ZNF700: variants seen among roughly 807,000 people sequenced by gnomAD.
ZNF700 encodes zinc finger protein 700.
Under a neutral mutation model 65.3 loss-of-function variants are expected in ZNF700, and 38 were observed. That is an observed-to-expected ratio of 0.58 (90% CI 0.45 to 0.76). The LOEUF (loss-of-function observed/expected upper bound fraction) is 0.76. ZNF700 is among the 30% of genes least tolerant of loss of function. ZNF700 has a pLI of 0.00. For synonymous variants in ZNF700, 285 were observed against 290.4 expected, an observed-to-expected ratio of 0.98 and a Z score of 0.19; for missense variants, 857 against 888.4, an observed-to-expected ratio of 0.96 and a Z score of 0.45.
chr19:11,939,049 C>A (rs1187807906), intron 1 of ZNF700, among the ~76,000 whole-genome samples: 2 of 152,160 alleles, frequency 1.3e-5, no homozygotes, highest in Admixed American at 1.3e-4. Flanking sequence ...TGTTCATGTC[C>A]TTTGCCCACT....
At position 11,949,824 on chromosome 19, in the gene ZNF700, CT is replaced by C. The variant is rs1448569629; in HGVS notation, c.1802del (p.Phe601SerfsTer220). The C allele has an allele frequency of 6.2e-7, 1 of 1,608,218 alleles. No individual in the cohort carries two copies. Among genetic ancestry groups the C allele is most frequent in the African/African-American group, 1.4e-5 (1 of 72,946 alleles). Reference sequence around the variant, plus strand: ...ATGAGTGTAAGCAATGTGGGAAAGCCTTCAGTTGTGCCTCAAACCTTCGAAA... The same window carrying C: ...ATGAGTGTAAGCAATGTGGGAAAGCCTCAGTTGTGCCTCAAACCTTCGAAA... ...PYECKQCGKA[F>X]SCASNLRKHG... On this transcript the variant is annotated frameshift_variant, in exon 4 of 4. Transcript: ENST00000254321. LOFTEE classifies it high-confidence loss of function.
chr19:11,928,283 C>T (rs1158420187), intron 1 of ZNF700, among the ~76,000 whole-genome samples: 1 of 152,188 alleles, frequency 6.6e-6, no homozygotes, highest in Non-Finnish European at 1.5e-5. Context: ...TCAGCCACTG[C>T]ACCTGGCTAA....
At chr19:11,933,505 T>G (rs1191632961) in intron 1 of ZNF700, among the ~76,000 whole-genome samples, 2 of 147,782 alleles carry the variant, frequency 1.4e-5, no homozygotes, top group East Asian at 3.9e-4. Flanking sequence ...TCCCCTGTGC[T>G]CTTCCTAATC....
chr19:11,932,669 GCC>G (rs1972731930), intron 1 of ZNF700, among the ~76,000 whole-genome samples: 1 of 105,426 alleles, frequency 9.5e-6, no homozygotes, highest in Non-Finnish European at 1.8e-5. Flanking sequence ...ACAGAGTCTT[GCC>G]CTGTCGCCCA....
intron 1 of ZNF700, among the ~76,000 whole-genome samples, chr19:11,938,675 G>A (rs891062422): frequency 3.3e-5 from 5 of 152,080 alleles, no homozygotes; most frequent in Admixed American, 2.0e-4. Flanking sequence ...GAATGGTGCC[G>A]CAATAAACAT....
At chr19:11,932,988 C>T (rs1972737878) in intron 1 of ZNF700, among the ~76,000 whole-genome samples, 1 of 148,592 alleles carries the variant, frequency 6.7e-6, no homozygotes, top group Non-Finnish European at 1.5e-5. Context: ...ATGAACCTTA[C>T]ATGGAATGAT....
At chr19:11,925,330 G>C in intron 1 of ZNF700, 57 bp downstream of exon 1, 1 of 1,600,012 alleles carries the variant, frequency 6.2e-7, no homozygotes. Flanking sequence ...GGAACAGGCG[G>C]GAACCGGCTG....
In ZNF700 at chr19:11,949,715, A is replaced by C; in HGVS notation, c.1691A>C (p.Tyr564Ser). Residue 564 changes from tyrosine to serine, a missense_variant, in exon 4 of 4, where the codon TAT becomes TCT. Physicochemically the swap from Tyr to Ser is moderately radical, Grantham distance 144. This residue lies in a region of ZNF700 where 251 missense variants were observed against 250.3 expected (regional missense o/e 1.00). Transcript: ENST00000254321. The part of the protein sequence containing the change: ...HERTHTGEKP[Y>S]ECKQCGKAFR... ...AGGACTCACACTGGAGAGAAACCCT[A>C]TGAGTGTAAGCAATGTGGGAAAGCC... 1 of 1,614,056 alleles carries C rather than the reference A, an allele frequency of 6.2e-7. No homozygotes were observed. Among genetic ancestry groups the C allele is most frequent in the Non-Finnish European group, 8.5e-7 (1 of 1,180,014 alleles).
chr19:11,943,106 C>CTATTAT (rs533841379), intron 1 of ZNF700, among the ~76,000 whole-genome samples: 2 of 152,188 alleles, frequency 1.3e-5, no homozygotes, highest in Non-Finnish European at 2.9e-5. Flanking sequence ...AAGCAGGTTT[C>CTATTAT]TATTATTATT....
chr19:11,927,025 C>G (rs554051965), intron 1 of ZNF700, among the ~76,000 whole-genome samples: 1 of 152,064 alleles, frequency 6.6e-6, no homozygotes, highest in Non-Finnish European at 1.5e-5. Context: ...GAATTCAAGA[C>G]GAGTCACAAA....
chr19:11,925,303 CG>C (rs1568288208), intron 1 of ZNF700, 30 bp downstream of exon 1: 1 of 1,608,286 alleles, frequency 6.2e-7, no homozygotes. Context: ...TGTCGTGAGA[CG>C]GGGGAGGGGC....
At chr19:11,926,078 T>C (rs1485949116) in intron 1 of ZNF700, among the ~76,000 whole-genome samples, 2 of 150,026 alleles carry the variant, frequency 1.3e-5, no homozygotes, top group Non-Finnish European at 2.9e-5. Flanking sequence ...TTGGAGGAGG[T>C]AGGAAGGAAG....
intron 1 of ZNF700, among the ~76,000 whole-genome samples, chr19:11,927,829 G>C (rs183567285): frequency 6.6e-6 from 1 of 152,264 alleles, no homozygotes; most frequent in East Asian, 1.9e-4. Flanking sequence ...TGTGATCATG[G>C]GTTGTGACTG....
intron 1 of ZNF700, among the ~76,000 whole-genome samples, chr19:11,935,681 C>T (rs1302923991): frequency 6.6e-6 from 1 of 152,074 alleles, no homozygotes; most frequent in Non-Finnish European, 1.5e-5. Flanking sequence ...AAAGTCATTT[C>T]CAAAACAGAC....
chr19:11,928,074 C>T (rs1972658939), intron 1 of ZNF700, among the ~76,000 whole-genome samples: 2 of 151,918 alleles, frequency 1.3e-5, no homozygotes, highest in African/African-American at 4.8e-5. Flanking sequence ...TGGCTTACTG[C>T]AGCCTTGACC....
chr19:11,933,651 C>T (rs1344030786), intron 1 of ZNF700, among the ~76,000 whole-genome samples: 1 of 147,824 alleles, frequency 6.8e-6, no homozygotes, highest in Non-Finnish European at 1.5e-5. Context: ...AGACTTGCTT[C>T]CTCGATGTAA....
rs755035788 is a variant in ZNF700, at chr19:11,948,565, A to G, written c.541A>G (p.Ile181Val). 5 of 1,607,588 alleles carry G rather than the reference A, an allele frequency of 3.1e-6. No homozygotes were observed. In the Admixed American group the frequency reaches 5.2e-5, roughly 17 times the overall value. ...GAAAGCCTTCAGGTATCGCCCATCCATTAGAACACAAGAAAGGGATCACAC... is the reference window on the plus strand; with the variant it reads ...GAAAGCCTTCAGGTATCGCCCATCCGTTAGAACACAAGAAAGGGATCACAC... ...NKKAFRYRPS[I>V]RTQERDHTGE... The change falls in exon 4 of 4, where the codon ATT (isoleucine) becomes GTT (valine). Residue 181 changes from isoleucine to valine, a missense_variant. Ile to Val is a conservative substitution (Grantham distance 29). This residue lies in a region of ZNF700 where 603 missense variants were observed against 619.9 expected (regional missense o/e 0.97). Transcript: ENST00000254321.
intron 1 of ZNF700, among the ~76,000 whole-genome samples, chr19:11,945,169 T>G (rs1972941147): frequency 6.6e-6 from 1 of 152,206 alleles, no homozygotes; most frequent in Non-Finnish European, 1.5e-5. Context: ...AAGTTTTTCC[T>G]TTAACTCATG....
intron 1 of ZNF700, 74 bp downstream of exon 1, chr19:11,925,347 G>A (rs1016719291): frequency 1.3e-6 from 2 of 1,589,070 alleles, no homozygotes; most frequent in Middle Eastern, 2.1e-4. Flanking sequence ...GCTGTGGCGG[G>A]ACCCGGGCCT....
Sources: gnomAD v4.1 joint callset for allele counts (sites outside exome capture counted in the v4.1 genomes callset) on GRCh38, gnomAD v4.1.1 for gene constraint, gnomAD v4.1.1 regional missense constraint, MANE v1.5 for transcripts, NCBI Gene and HGNC (gene_info 2026-07-23, HGNC 2026-07-21) for gene names.